Variants in ZNF718 observed in about 807,000 individuals in gnomAD.
ZNF718 encodes the protein zinc finger protein 718.
In ZNF718, 3 loss-of-function variants were observed where a neutral mutation model predicts 2.6. The observed-to-expected ratio is 1.16, with a 90% confidence interval of 0.53 to 3.01. The LOEUF (loss-of-function observed/expected upper bound fraction) is 3.01, where lower values mean the gene tolerates loss of function less well. ZNF718 is among the 30% of genes most tolerant of loss of function. The pLI, the probability that ZNF718 is intolerant of heterozygous loss-of-function variation, is 0.03. For missense variants in ZNF718, 468 were observed against 230.0 expected (o/e 2.03, Z -6.69); for synonymous variants, 135 against 77.9 (o/e 1.73, Z -3.86).
At chr4:169,450 G>T (rs1402395741) in intron 3 of ZNF718, among the ~76,000 whole-genome samples, 1 of 152,094 alleles carries the variant, frequency 6.6e-6, no homozygotes, top group Non-Finnish European at 1.5e-5. Flanking sequence ...TGACAGTGGG[G>T]TGTTAAAGTC....
At chr4:159,503 CTT>C (rs1716731133) in intron 3 of ZNF718, among the ~76,000 whole-genome samples, 1 of 151,944 alleles carries the variant, frequency 6.6e-6, no homozygotes, top group Non-Finnish European at 1.5e-5. Flanking sequence ...ACTTTTGAAA[CTT>C]TGCTTGTATG....
At chr4:124,849 C>CTGCAGCCCTCCTTG in intron 1 of ZNF718, 176 bp downstream of exon 1, 2 of 751,396 alleles carry the variant, frequency 2.7e-6, no homozygotes, top group Non-Finnish European at 4.2e-6. Context: ...CTGGCCCAGC[C>CTGCAGCCCTCCTTG]TGCAGCCCTC....
intron 3 of ZNF718, among the ~76,000 whole-genome samples, chr4:132,032 G>A (rs1715361820): frequency 1.1e-5 from 1 of 93,260 alleles, no homozygotes. Context: ...GCGACAGAGC[G>A]AGACTCCGTC....
intron 3 of ZNF718, among the ~76,000 whole-genome samples, chr4:153,635 ATC>A (rs563778496): frequency 4.1e-4 from 62 of 152,178 alleles, no homozygotes; most frequent in African/African-American, 1.5e-3. Flanking sequence ...GCTGCTAGAC[ATC>A]TCTTTTTTAT....
At chr4:178,419 A>G (rs1279962389) in intron 3 of ZNF718, among the ~76,000 whole-genome samples, 6 of 152,124 alleles carry the variant, frequency 3.9e-5, no homozygotes, top group Non-Finnish European at 8.8e-5. Flanking sequence ...AATTATAGGC[A>G]TGATCCACCA....
chr4:201,614 CTG>C (rs1233216001), intron 4 of ZNF718: 9 of 161,456 alleles, frequency 5.6e-5, no homozygotes, highest in Non-Finnish European at 1.3e-4. Context: ...CTATACATAA[CTG>C]TTCTCCTCTC....
At chr4:192,130 G>C (rs1717704553) in intron 3 of ZNF718, among the ~76,000 whole-genome samples, 1 of 152,168 alleles carries the variant, frequency 6.6e-6, no homozygotes, top group Admixed American at 6.5e-5. Flanking sequence ...GGAAGTCAGT[G>C]GTGGGTCTGC....
At chr4:190,769 G>T (rs1483907898) in intron 3 of ZNF718, among the ~76,000 whole-genome samples, 1 of 152,114 alleles carries the variant, frequency 6.6e-6, no homozygotes, top group Non-Finnish European at 1.5e-5. Context: ...AACTGAGCGT[G>T]GTGGCTCATG....
intron 3 of ZNF718, among the ~76,000 whole-genome samples, chr4:200,757 G>C (rs1365986116): frequency 1.3e-5 from 2 of 152,032 alleles, no homozygotes; most frequent in African/African-American, 4.8e-5. Flanking sequence ...TTTTCATCAA[G>C]AGCAGCTGTA....
At chr4:136,287 G>A in intron 3 of ZNF718, 1 of 485,514 alleles carries the variant, frequency 2.1e-6, no homozygotes, top group South Asian at 1.5e-5. Context: ...ACTGGCCATG[G>A]ACTGTGGCTG....
intron 3 of ZNF718, among the ~76,000 whole-genome samples, chr4:171,609 G>T (rs1344420443): frequency 6.6e-6 from 1 of 152,214 alleles, no homozygotes; most frequent in Non-Finnish European, 1.5e-5. Flanking sequence ...TGCTAGCAGT[G>T]AGTGAGGCTC....
At chr4:165,828 T>C (rs1717073817), downstream of ZNF718, among the ~76,000 whole-genome samples, 1 of 150,628 alleles carries the variant, frequency 6.6e-6, no homozygotes, top group African/African-American at 2.5e-5. Context: ...GAGACAGTGA[T>C]AGGTGAGATA....
intron 3 of ZNF718, among the ~76,000 whole-genome samples, chr4:169,561 ATAGT>A (rs1311426868): frequency 5.3e-5 from 8 of 152,220 alleles, no homozygotes; most frequent in South Asian, 2.1e-4. Flanking sequence ...TATATTTAGG[ATAGT>A]TAGTTATTCT....
At chr4:188,821 G>C (rs1358294906) in intron 3 of ZNF718, among the ~76,000 whole-genome samples, 1 of 152,106 alleles carries the variant, frequency 6.6e-6, no homozygotes, top group Non-Finnish European at 1.5e-5. Context: ...CGTTTTGTTG[G>C]CTCTGTGTCA....
At chr4:167,244 G>A (rs1327847462), downstream of ZNF718, among the ~76,000 whole-genome samples, 1 of 152,108 alleles carries the variant, frequency 6.6e-6, no homozygotes, top group East Asian at 1.9e-4. Context: ...TGCTGTTTTG[G>A]TTACTCTAAC....
At chr4:141,186 A>G in intron 3 of ZNF718, among the ~76,000 whole-genome samples, 1 of 152,048 alleles carries the variant, frequency 6.6e-6, no homozygotes, top group East Asian at 1.9e-4. Context: ...TTCATGAAAA[A>G]AAAAGAGAAT....
chr4:158,779 T>C (rs1357992350), intron 3 of ZNF718, among the ~76,000 whole-genome samples: 1 of 151,978 alleles, frequency 6.6e-6, no homozygotes, highest in Non-Finnish European at 1.5e-5. Flanking sequence ...GATAATGATA[T>C]AGAACTTTAT....
chr4:199,960 A>G (rs550880130), intron 3 of ZNF718, among the ~76,000 whole-genome samples: 2 of 152,372 alleles, frequency 1.3e-5, no homozygotes, highest in East Asian at 3.9e-4. Flanking sequence ...AGACAAGAGC[A>G]AAGATATTTT....
intron 1 of ZNF718, chr4:125,173 A>G (rs1553807744): frequency 6.4e-6 from 1 of 156,112 alleles, no homozygotes; most frequent in Non-Finnish European, 1.4e-5. Flanking sequence ...GCCTGCGCCA[A>G]CTTTGCCGCC....
Sources: gnomAD v4.1 joint callset for allele counts (sites outside exome capture counted in the v4.1 genomes callset) on GRCh38, gnomAD v4.1.1 for gene constraint, MANE v1.5 for transcripts, NCBI Gene and HGNC (gene_info 2026-07-23, HGNC 2026-07-21) for gene names.